The following ANK2 variants were observed in gnomAD, a reference collection of about 807,000 sequenced individuals.
The protein encoded by ANK2 is ankyrin-2.
ANK2 carries 83 observed loss-of-function variants against 360.5 expected under a neutral mutation model. That is an observed-to-expected ratio of 0.23 (90% CI 0.19 to 0.28). The LOEUF is 0.28. ANK2 is among the 10% of genes least tolerant of loss of function. ANK2 has a pLI of 1.00. For synonymous variants in ANK2, 1,740 were observed against 1,759.5 expected (o/e 0.99, Z 0.28); for missense variants, 4,201 against 4,795.7 (o/e 0.88, Z 3.66).
rs150263471 is a variant in ANK2, at chr4:113,376,309, G to A, written c.11859+2860G>A. ...ACAGCATGTTACTGTGCTGAATACTGTAGGCAATTATAACACAATGGTAAG... is the reference window on the plus strand; with the variant it reads ...ACAGCATGTTACTGTGCTGAATACTATAGGCAATTATAACACAATGGTAAG... On this transcript the variant is annotated intron_variant, in intron 45 of 45. Transcript: ENST00000357077. Among the ~76,000 whole-genome samples, 1,134 of 152,278 alleles carry A rather than the reference G, an allele frequency of 7.4e-3. 13 individuals are homozygous for A. Among genetic ancestry groups the A allele is most frequent in the African/African-American group, 0.026 (1,073 of 41,550 alleles).
At chr4:113,117,726 T>G (rs929854610) in intron 1 of ANK2, among the ~76,000 whole-genome samples, 1 of 152,224 alleles carries the variant, frequency 6.6e-6, no homozygotes, top group African/African-American at 2.4e-5. Flanking sequence ...CTCTTAGTAC[T>G]GGGCACAGAA....
chr4:112,738,613 C>A, the ANK2 span: 4 of 517,194 alleles, frequency 7.7e-6, no homozygotes, highest in South Asian at 1.5e-5. Context: ...TTAAAAACTA[C>A]ATTCTAGCTC....
At chr4:113,207,203 C>T (rs761469245) in intron 4 of ANK2, among the ~76,000 whole-genome samples, 1 of 152,138 alleles carries the variant, frequency 6.6e-6, no homozygotes, top group East Asian at 1.9e-4. Context: ...AAAATTAATA[C>T]AATTATATTT....
chr4:112,890,330 A>C (rs1048427900), intron 1 of ANK2, among the ~76,000 whole-genome samples: 7 of 152,152 alleles, frequency 4.6e-5, no homozygotes, highest in African/African-American at 1.7e-4. Context: ...TCTTTGAAGT[A>C]CCAGATTCTA....
intron 26 of ANK2, among the ~76,000 whole-genome samples, chr4:113,327,260 G>T (rs1374687602): frequency 6.6e-6 from 1 of 151,936 alleles, no homozygotes; most frequent in Non-Finnish European, 1.5e-5. Flanking sequence ...CAAACTTCTG[G>T]TTTTTGCTTA....
intron 2 of ANK2, among the ~76,000 whole-genome samples, chr4:113,189,722 C>T (rs569431817): frequency 8.5e-5 from 13 of 152,286 alleles, no homozygotes; most frequent in African/African-American, 3.1e-4. Flanking sequence ...GTCCTGCCAC[C>T]TCTTTCTTCT....
the ANK2 span, among the ~76,000 whole-genome samples, chr4:112,747,990 T>C: frequency 6.6e-6 from 1 of 152,238 alleles, no homozygotes; most frequent in Non-Finnish European, 1.5e-5. Flanking sequence ...AGGATTTGGC[T>C]ATCATCCTAG....
intron 2 of ANK2, among the ~76,000 whole-genome samples, chr4:113,008,885 G>C (rs974652488): frequency 6.6e-6 from 1 of 152,080 alleles, no homozygotes. Flanking sequence ...TTGGGGAAAA[G>C]GGCTCAGTGA....
At chr4:112,713,827 G>C in the ANK2 span, among the ~76,000 whole-genome samples, 5 of 151,764 alleles carry the variant, frequency 3.3e-5, no homozygotes, top group East Asian at 3.9e-4. Flanking sequence ...CCAGCTACTC[G>C]GGAGGCTGAG....
intron 1 of ANK2, among the ~76,000 whole-genome samples, chr4:112,889,608 G>T: frequency 6.7e-6 from 1 of 149,986 alleles, no homozygotes; most frequent in Admixed American, 6.6e-5. Context: ...TAAAAAATGT[G>T]AATTATTTCT....
At chr4:113,108,304 A>T (rs2093893625) in intron 1 of ANK2, among the ~76,000 whole-genome samples, 1 of 152,208 alleles carries the variant, frequency 6.6e-6, no homozygotes, top group African/African-American at 2.4e-5. Context: ...AGACATACCC[A>T]TAATTCAATA....
At chr4:112,706,303 G>C in the ANK2 span, among the ~76,000 whole-genome samples, 5 of 152,228 alleles carry the variant, frequency 3.3e-5, no homozygotes, top group South Asian at 6.2e-4. Flanking sequence ...CAATGCGGCG[G>C]CTCCCCTAGG....
At chr4:113,192,374 A>C (rs1329488906) in intron 2 of ANK2, among the ~76,000 whole-genome samples, 1 of 152,118 alleles carries the variant, frequency 6.6e-6, no homozygotes, top group Non-Finnish European at 1.5e-5. Context: ...CGTGTGTATA[A>C]AAAGTTTCAC....
At chr4:112,812,358 C>T in the ANK2 span, among the ~76,000 whole-genome samples, 2 of 152,198 alleles carry the variant, frequency 1.3e-5, no homozygotes, top group South Asian at 2.1e-4. Flanking sequence ...ACATGGTCTT[C>T]CTATAATGTG....
intron 2 of ANK2, among the ~76,000 whole-genome samples, chr4:113,043,805 A>C (rs910130865): frequency 3.3e-5 from 5 of 152,208 alleles, no homozygotes; most frequent in African/African-American, 1.2e-4. Context: ...GACTTTTGGC[A>C]ACAAAAGGAC....
the ANK2 span, among the ~76,000 whole-genome samples, chr4:112,800,976 G>A: frequency 3.3e-5 from 5 of 152,074 alleles, no homozygotes; most frequent in Admixed American, 3.3e-4. Flanking sequence ...TTTAAATGAA[G>A]TAATAAAATT....
rs778750185 is a variant in ANK2 at position 113,354,615 on chromosome 4, A to C, written c.5997A>C (p.Ser1999=). The C allele has an allele frequency of 1.2e-6, 2 of 1,613,832 alleles. No homozygotes were observed. Among genetic ancestry groups the C allele is most frequent in the Non-Finnish European group, 1.7e-6 (2 of 1,179,936 alleles). Residue 1999 remains serine (S), a synonymous_variant, in exon 38 of 46, where the codon TCA becomes TCC. Transcript: ENST00000357077. ...SVRELMKAFQ[S]GQDPSKHKTG... ...GGGAGCTGATGAAGGCTTTCCAGTC[A>C]GGTCAGGACCCTTCTAAACATAAAA...
chr4:112,723,903 A>G, the ANK2 span, among the ~76,000 whole-genome samples: 6 of 152,168 alleles, frequency 3.9e-5, no homozygotes, highest in South Asian at 4.1e-4. Context: ...TACTAAAATT[A>G]TACTGTGTTT....
intron 1 of ANK2, among the ~76,000 whole-genome samples, chr4:112,871,213 T>G (rs978961722): frequency 3.9e-4 from 59 of 151,440 alleles, no homozygotes; most frequent in African/African-American, 1.3e-3. Context: ...TGAGATGGAG[T>G]CTTGCTCTGT....
Sources: gnomAD v4.1 joint callset for allele counts (sites outside exome capture counted in the v4.1 genomes callset) on GRCh38, gnomAD v4.1.1 for gene constraint, MANE v1.5 for transcripts, NCBI Gene and HGNC (gene_info 2026-07-23, HGNC 2026-07-21) for gene names.